The following SPATA17 variants were observed in gnomAD, a reference collection of about 807,000 sequenced individuals.
The protein encoded by SPATA17 is spermatogenesis associated 17.
A neutral mutation model predicts 62.2 loss-of-function variants in SPATA17; 53 were observed. That is an observed-to-expected ratio of 0.85 (90% CI 0.68 to 1.07). The LOEUF (loss-of-function observed/expected upper bound fraction) is 1.07. Among genes scored for constraint, SPATA17 ranks in the 50% least tolerant of loss-of-function variants. The pLI is 0.00. For missense variants in SPATA17, 466 were observed against 425.5 expected (o/e 1.10, Z -0.84); for synonymous variants, 146 against 146.8 (o/e 0.99, Z 0.04).
chr1:217,760,310 A>G (rs1453444150), intron 6 of SPATA17, among the ~76,000 whole-genome samples: 5 of 152,240 alleles, frequency 3.3e-5, no homozygotes, highest in Admixed American at 3.3e-4. Context: ...TAGGAAAACA[A>G]AAGATAATCT....
intron 5 of SPATA17, among the ~76,000 whole-genome samples, chr1:217,693,136 T>C (rs1671379552): frequency 6.6e-6 from 1 of 150,716 alleles, no homozygotes; most frequent in African/African-American, 2.4e-5. Context: ...TCTTTTTGGT[T>C]GGTAAACTGT....
At chr1:217,646,678 C>T (rs1043971152) in intron 1 of SPATA17, among the ~76,000 whole-genome samples, 1 of 151,944 alleles carries the variant, frequency 6.6e-6, no homozygotes, top group African/African-American at 2.4e-5. Flanking sequence ...GGGTGGATCA[C>T]GAGATCAGGA....
intron 2 of SPATA17, among the ~76,000 whole-genome samples, chr1:217,650,231 G>A (rs981166184): frequency 1.1e-4 from 16 of 152,010 alleles, no homozygotes; most frequent in Non-Finnish European, 2.2e-4. Context: ...GAGCCACGGC[G>A]CCTGGAAGAC....
chr1:217,749,399 G>A (rs61825788), intron 6 of SPATA17, among the ~76,000 whole-genome samples: 6,062 of 152,128 alleles, frequency 0.04, 148 homozygotes, highest in Middle Eastern at 0.061. Flanking sequence ...GTTTGATGCA[G>A]CCTGATTTTG....
intron 5 of SPATA17, among the ~76,000 whole-genome samples, chr1:217,732,107 T>G (rs2102941877): frequency 6.6e-6 from 1 of 152,208 alleles, no homozygotes; most frequent in South Asian, 2.1e-4. Context: ...TCTCTCTCTC[T>G]GTCTCACCAC....
chr1:217,652,937 G>A (rs948298760), intron 3 of SPATA17, among the ~76,000 whole-genome samples: 3 of 152,132 alleles, frequency 2.0e-5, no homozygotes, highest in Non-Finnish European at 2.9e-5. Context: ...AACACTGTAC[G>A]TAAAATACCC....
intron 9 of SPATA17, among the ~76,000 whole-genome samples, chr1:217,827,411 CT>C (rs200245134): frequency 0.032 from 4,820 of 152,102 alleles, 111 homozygotes; most frequent in Middle Eastern, 0.065. Flanking sequence ...AATAGGAATG[CT>C]TTTACACTGT....
At chr1:217,638,937 G>A (rs1175012230) in intron 1 of SPATA17, among the ~76,000 whole-genome samples, 1 of 152,054 alleles carries the variant, frequency 6.6e-6, no homozygotes, top group Non-Finnish European at 1.5e-5. Flanking sequence ...GAAATCATGA[G>A]TAATAAGATT....
intron 6 of SPATA17, among the ~76,000 whole-genome samples, chr1:217,768,938 T>G (rs902377191): frequency 2.0e-5 from 3 of 152,166 alleles, no homozygotes; most frequent in African/African-American, 7.2e-5. Context: ...AAAACCATTC[T>G]CCTAATCCCT....
intron 10 of SPATA17, 112 bp downstream of exon 10, chr1:217,862,968 T>C: frequency 1.7e-6 from 1 of 590,036 alleles, no homozygotes; most frequent in East Asian, 2.8e-5. Context: ...ATAATAATAT[T>C]TTATGTAATA....
At chr1:217,861,807 T>A (rs1236748432) in intron 9 of SPATA17, among the ~76,000 whole-genome samples, 1 of 152,174 alleles carries the variant, frequency 6.6e-6, no homozygotes, top group African/African-American at 2.4e-5. Context: ...CCCACCATCC[T>A]TCATGTCACT....
chr1:217,689,401 T>G (rs1671297635), intron 5 of SPATA17, among the ~76,000 whole-genome samples: 1 of 151,828 alleles, frequency 6.6e-6, no homozygotes, highest in South Asian at 2.1e-4. Context: ...AATTTTCATA[T>G]TTTTAATAGA....
chr1:217,784,240 T>A (rs139235909), intron 8 of SPATA17, among the ~76,000 whole-genome samples: 477 of 152,208 alleles, frequency 3.1e-3, no homozygotes, highest in African/African-American at 0.01. Flanking sequence ...TCACAAAGAT[T>A]CATGGTTTGT....
At chr1:217,691,554 A>C (rs1473652854) in intron 5 of SPATA17, among the ~76,000 whole-genome samples, 2 of 68,414 alleles carry the variant, frequency 2.9e-5, no homozygotes, top group Admixed American at 3.8e-4. Context: ...TTTGGACATG[A>C]AGTCCTTGCC....
chr1:217,658,465 TA>T (rs1670488827), intron 3 of SPATA17, among the ~76,000 whole-genome samples: 1 of 152,020 alleles, frequency 6.6e-6, no homozygotes, highest in Non-Finnish European at 1.5e-5. Flanking sequence ...CTTTATAAAT[TA>T]GTCAGTCTGG....
intron 5 of SPATA17, among the ~76,000 whole-genome samples, chr1:217,687,351 A>G (rs890393491): frequency 7.2e-5 from 11 of 152,042 alleles, no homozygotes; most frequent in African/African-American, 2.4e-4. Flanking sequence ...ATGTATTTCT[A>G]GGTTTATTGT....
intron 5 of SPATA17, among the ~76,000 whole-genome samples, chr1:217,710,598 A>G (rs1434362884): frequency 1.3e-5 from 2 of 152,108 alleles, no homozygotes; most frequent in Non-Finnish European, 2.9e-5. Context: ...TTTTATGGAT[A>G]TTATTTTCTA....
intron 5 of SPATA17, among the ~76,000 whole-genome samples, chr1:217,711,159 TG>T (rs1328759431): frequency 6.6e-6 from 1 of 152,216 alleles, no homozygotes; most frequent in Non-Finnish European, 1.5e-5. Flanking sequence ...TTTTTATTTT[TG>T]GTTCAGTGGT....
intron 7 of SPATA17, among the ~76,000 whole-genome samples, chr1:217,779,950 G>T (rs1673695100): frequency 6.6e-6 from 1 of 152,016 alleles, no homozygotes; most frequent in Non-Finnish European, 1.5e-5. Context: ...TTAGGTGGAG[G>T]CAATGTAAAC....
Sources: allele counts gnomAD v4.1 joint callset (sites outside exome capture counted in the v4.1 genomes callset), GRCh38; gene constraint gnomAD v4.1.1; transcripts MANE v1.5; gene names NCBI Gene and HGNC (gene_info 2026-07-23, HGNC 2026-07-21).